The following DYNLRB1 variants were observed in gnomAD, a reference collection of about 807,000 sequenced individuals.
The protein encoded by DYNLRB1 is dynein light chain roadblock-type 1.
In DYNLRB1, 6 loss-of-function variants were observed where a neutral mutation model predicts 13.5. That is an observed-to-expected ratio of 0.44 (90% CI 0.24 to 0.88). DYNLRB1 has a LOEUF of 0.88. Among genes scored for constraint, DYNLRB1 ranks in the 40% least tolerant of loss-of-function variants. The pLI is 0.21. For missense variants in DYNLRB1, 93 were observed against 127.2 expected (o/e 0.73, Z 1.29); for synonymous variants, 43 against 45.0 (o/e 0.96, Z 0.18).
At chr20:34,516,225 T>C (rs570943195), upstream of DYNLRB1, among the ~76,000 whole-genome samples, 11 of 152,206 alleles carry the variant, frequency 7.2e-5, no homozygotes, top group African/African-American at 2.2e-4. Flanking sequence ...ACGGCTGGAG[T>C]TGGGAATTTT....
At chr20:34,518,047 A>G (rs1175972550) in intron 1 of DYNLRB1, among the ~76,000 whole-genome samples, 6 of 152,032 alleles carry the variant, frequency 3.9e-5, no homozygotes, top group Admixed American at 3.9e-4. Context: ...TTGATGTACT[A>G]ATTTCCGTTC....
chr20:34,531,883 A>G (rs1306137047), intron 2 of DYNLRB1, among the ~76,000 whole-genome samples: 1 of 152,212 alleles, frequency 6.6e-6, no homozygotes, highest in East Asian at 1.9e-4. Flanking sequence ...TGAATAGGGG[A>G]AGGAAAGAAA....
intron 3 of DYNLRB1, 128 bp downstream of exon 3, chr20:34,534,923 G>A: frequency 6.5e-7 from 1 of 1,535,552 alleles, no homozygotes; most frequent in Non-Finnish European, 8.8e-7. Context: ...GAAGGAATTG[G>A]GTTGTTGCCT....
chr20:34,517,631 T>C (rs1165781988), intron 1 of DYNLRB1, among the ~76,000 whole-genome samples: 1 of 146,788 alleles, frequency 6.8e-6, no homozygotes, highest in African/African-American at 2.5e-5. Flanking sequence ...TTATTTCTTT[T>C]TTTTTTTTTT....
chr20:34,537,985 C>CTTT lies in DYNLRB1; in HGVS notation c.248-2578_248-2576dup, dbSNP rs67763754. 3.5e-4 allele frequency among the ~76,000 whole-genome samples: 33 copies of CTTT among 94,858 alleles called. 1 individual carries two copies. Among genetic ancestry groups the CTTT allele is most frequent in the African/African-American group, 1.2e-3 (29 of 23,298 alleles). The allele number at this position is 94,858 out of a possible 152,430, so 62.2% of individuals were successfully genotyped here. On this transcript the variant is annotated intron_variant, in intron 3 of 3. Transcript: ENST00000357156. The stretch of plus-strand genomic sequence containing the variant: ...GCCCAGAACCGCCCACGTGAACAGG[C>CTTT]TTTTTTTTTTTTTTTTTTTTGAGAC...
chr20:34,519,100 T>G (rs1248541450), intron 1 of DYNLRB1, among the ~76,000 whole-genome samples: 2 of 151,944 alleles, frequency 1.3e-5, no homozygotes, highest in Non-Finnish European at 2.9e-5. Flanking sequence ...TTTTCTATTT[T>G]TAGTAGAGAC....
intron 1 of DYNLRB1, among the ~76,000 whole-genome samples, chr20:34,526,053 C>T (rs142295928): frequency 6.6e-6 from 1 of 152,300 alleles, no homozygotes; most frequent in African/African-American, 2.4e-5. Context: ...CCAGGAGCAG[C>T]CCTGTCCTGC....
intron 1 of DYNLRB1, among the ~76,000 whole-genome samples, chr20:34,525,362 A>G (rs1980108717): frequency 6.6e-6 from 1 of 152,188 alleles, no homozygotes; most frequent in African/African-American, 2.4e-5. Context: ...TGTTTATCAC[A>G]CTTCTACTCC....
At chr20:34,532,181 A>G (rs1568602371) in intron 2 of DYNLRB1, among the ~76,000 whole-genome samples, 1 of 152,240 alleles carries the variant, frequency 6.6e-6, no homozygotes, top group Non-Finnish European at 1.5e-5. Context: ...AATGGCATTT[A>G]CTGTGTGAGT....
At chr20:34,516,836 A>T in intron 1 of DYNLRB1, 2 of 1,547,804 alleles carry the variant, frequency 1.3e-6, no homozygotes, top group Non-Finnish European at 1.7e-6. Context: ...CAAGCACTTT[A>T]TGTATCTTGT....
intron 1 of DYNLRB1, among the ~76,000 whole-genome samples, chr20:34,522,443 T>A (rs1024623087): frequency 4.0e-5 from 6 of 151,284 alleles, no homozygotes; most frequent in Non-Finnish European, 7.4e-5. Context: ...TTACTTTTCT[T>A]TTTTCTTTCT....
intron 1 of DYNLRB1, among the ~76,000 whole-genome samples, chr20:34,523,225 A>G (rs937886279): frequency 5.3e-5 from 8 of 152,114 alleles, no homozygotes; most frequent in Admixed American, 4.6e-4. Context: ...CTTCAGACCG[A>G]GAGCAGCACC....
At chr20:34,521,939 G>A (rs1979753152) in intron 1 of DYNLRB1, among the ~76,000 whole-genome samples, 1 of 152,082 alleles carries the variant, frequency 6.6e-6, no homozygotes, top group African/African-American at 2.4e-5. Flanking sequence ...TCGGGAGGCT[G>A]AAGTGGGAGG....
chr20:34,535,565 T>A (rs1184717514), intron 3 of DYNLRB1: 2 of 891,492 alleles, frequency 2.2e-6, no homozygotes, highest in African/African-American at 1.8e-5. Flanking sequence ...ACTCATGGAC[T>A]GGGGTGGCAG....
intron 3 of DYNLRB1, chr20:34,535,879 G>A: frequency 1.0e-6 from 1 of 985,306 alleles, no homozygotes; most frequent in Non-Finnish European, 1.2e-6. Flanking sequence ...AGGCAGTGGG[G>A]GGTCTGGGGA....
At chr20:34,516,311 AG>A, upstream of DYNLRB1, 1 of 1,289,018 alleles carries the variant, frequency 7.8e-7, no homozygotes, top group Non-Finnish European at 1.1e-6. Flanking sequence ...ATCCTGGCGG[AG>A]CCAAGATCGG....
intron 1 of DYNLRB1, among the ~76,000 whole-genome samples, chr20:34,525,578 A>C (rs1980127213): frequency 6.6e-6 from 1 of 152,140 alleles, no homozygotes; most frequent in Non-Finnish European, 1.5e-5. Flanking sequence ...GGATAAAAAG[A>C]TGTAGAGATA....
At chr20:34,537,719 G>C (rs1031885102) in intron 3 of DYNLRB1, among the ~76,000 whole-genome samples, 1 of 152,192 alleles carries the variant, frequency 6.6e-6, no homozygotes, top group South Asian at 2.1e-4. Context: ...ACAGGACCCA[G>C]GGGTGGCCAC....
chr20:34,537,236 G>A (rs528417991), intron 3 of DYNLRB1, among the ~76,000 whole-genome samples: 188 of 152,274 alleles, frequency 1.2e-3, no homozygotes, highest in African/African-American at 4.5e-3. Context: ...CACATGCGGC[G>A]CTGTGCTGGA....
Sources: allele counts gnomAD v4.1 joint callset (sites outside exome capture counted in the v4.1 genomes callset), GRCh38; gene constraint gnomAD v4.1.1; transcripts MANE v1.5; gene names NCBI Gene and HGNC (gene_info 2026-07-23, HGNC 2026-07-21).